The following TRPM3 variants were observed in gnomAD, a reference collection of about 807,000 sequenced individuals.
TRPM3 encodes the protein long transient receptor potential channel 3.
Under a neutral mutation model 181.2 loss-of-function variants are expected in TRPM3, and 77 were observed. That is an observed-to-expected ratio of 0.42 (90% CI 0.35 to 0.51). The LOEUF is 0.51. TRPM3 is among the 20% of genes least tolerant of loss of function. TRPM3 has a pLI of 0.01. For missense variants in TRPM3, 1,759 were observed against 2,196.7 expected (o/e 0.80, Z 3.98); for synonymous variants, 745 against 796.4 (o/e 0.94, Z 1.09).
chr9:70,816,159 A>G (rs1194388967), intron 6 of TRPM3, among the ~76,000 whole-genome samples: 1 of 152,246 alleles, frequency 6.6e-6, no homozygotes, highest in African/African-American at 2.4e-5. Context: ...GATCTCTAAA[A>G]CAAAGTGACC....
chr9:71,250,220 C>A (rs978378216), intron 1 of TRPM3, among the ~76,000 whole-genome samples: 9 of 152,068 alleles, frequency 5.9e-5, no homozygotes, highest in South Asian at 2.1e-4. Context: ...TAGCTATTTA[C>A]AACTGTATTT....
At chr9:70,597,991 G>A (rs2059310900) in intron 21 of TRPM3, among the ~76,000 whole-genome samples, 2 of 152,230 alleles carry the variant, frequency 1.3e-5, no homozygotes, top group African/African-American at 2.4e-5. Flanking sequence ...CAGCTAAAAT[G>A]TAACCTCTGT....
At chr9:71,009,411 C>T (rs1320432837) in intron 1 of TRPM3, among the ~76,000 whole-genome samples, 1 of 152,014 alleles carries the variant, frequency 6.6e-6, no homozygotes, top group Non-Finnish European at 1.5e-5. Flanking sequence ...GCTACAAAAT[C>T]AACATAAAAA....
intron 22 of TRPM3, among the ~76,000 whole-genome samples, chr9:70,582,197 T>C (rs981084145): frequency 3.9e-5 from 6 of 151,926 alleles, no homozygotes; most frequent in Non-Finnish European, 8.8e-5. Context: ...TGTGTGTGTG[T>C]GTGTGTGTGT....
chr9:71,172,893 C>T (rs573099785), intron 1 of TRPM3, among the ~76,000 whole-genome samples: 31 of 152,258 alleles, frequency 2.0e-4, no homozygotes, highest in African/African-American at 7.2e-4. Context: ...TTCGCTTATG[C>T]CCATTTACTT....
intron 20 of TRPM3, among the ~76,000 whole-genome samples, chr9:70,602,644 C>CT (rs1483271617): frequency 6.6e-6 from 1 of 152,200 alleles, no homozygotes; most frequent in Non-Finnish European, 1.5e-5. Context: ...GCAGAGCCCT[C>CT]TTGTGGATTT....
At chr9:71,054,587 T>C (rs1262261412) in intron 1 of TRPM3, among the ~76,000 whole-genome samples, 1 of 152,166 alleles carries the variant, frequency 6.6e-6, no homozygotes, top group Non-Finnish European at 1.5e-5. Flanking sequence ...CTGTTTCATC[T>C]ATTAATTCAT....
At chr9:70,911,041 G>A (rs959661835) in intron 1 of TRPM3, among the ~76,000 whole-genome samples, 1 of 152,094 alleles carries the variant, frequency 6.6e-6, no homozygotes, top group Non-Finnish European at 1.5e-5. Context: ...AGTGTTTTTG[G>A]CTCAATGTGT....
chr9:70,620,219 C>G lies in TRPM3; in HGVS notation c.1986G>C (p.Lys662Asn). 1.2e-6 allele frequency: 2 copies of G among 1,614,248 alleles called. No homozygotes were observed. The highest frequency in any genetic ancestry group is 1.7e-6 in the Non-Finnish European group (2 of 1,180,048). Residue 662 changes from lysine (K) to asparagine (N), a missense_variant, in exon 16 of 26, where the codon AAG (lysine) becomes AAC (asparagine). Transcript: ENST00000677713. ...CGTGCTGCCAGAAGAACAGGGCCAT[C>G]TTCTGCCGCTTCATGAGAACAGCCC... ...MVWAVLMKRQKMALFFWQHGE... is the reference protein window; with the variant it reads ...MVWAVLMKRQNMALFFWQHGE...
chr9:70,977,374 T>A (rs1291800160), intron 1 of TRPM3, among the ~76,000 whole-genome samples: 1 of 152,298 alleles, frequency 6.6e-6, no homozygotes, highest in Non-Finnish European at 1.5e-5. Context: ...GACCTCGTGA[T>A]CCCCCGGCAT....
At chr9:71,156,335 C>T (rs927773050) in intron 1 of TRPM3, among the ~76,000 whole-genome samples, 1 of 150,676 alleles carries the variant, frequency 6.6e-6, no homozygotes, top group Non-Finnish European at 1.5e-5. Flanking sequence ...ATACCACGAG[C>T]ACCTATCTTA....
At chr9:71,411,784 T>G (rs769306514) in intron 1 of TRPM3, among the ~76,000 whole-genome samples, 1 of 152,136 alleles carries the variant, frequency 6.6e-6, no homozygotes, top group Non-Finnish European at 1.5e-5. Flanking sequence ...GAGCCTGCAT[T>G]GCCAAGACAA....
At chr9:71,186,245 C>T (rs1356439686) in intron 1 of TRPM3, among the ~76,000 whole-genome samples, 1 of 151,990 alleles carries the variant, frequency 6.6e-6, no homozygotes, top group Non-Finnish European at 1.5e-5. Flanking sequence ...CAAGAAAGGT[C>T]ACATGCTAAG....
intron 1 of TRPM3, among the ~76,000 whole-genome samples, chr9:71,089,422 A>G (rs1045881100): frequency 6.6e-6 from 1 of 151,522 alleles, no homozygotes; most frequent in Admixed American, 6.6e-5. Context: ...GAGAAAAAAG[A>G]CAATAACAGA....
chr9:70,793,466 A>AT (rs1564320484), intron 6 of TRPM3: 27 of 110,868 alleles, frequency 2.4e-4, no homozygotes, highest in South Asian at 3.7e-4. Context: ...AAAAAAAAAA[A>AT]AAAATATATA....
intron 7 of TRPM3, among the ~76,000 whole-genome samples, chr9:70,769,381 C>G (rs1326196271): frequency 2.6e-5 from 4 of 152,110 alleles, no homozygotes; most frequent in Admixed American, 2.6e-4. Context: ...TAAAACTCAG[C>G]TCAAACTTCA....
chr9:70,969,756 T>TTATATATA lies in TRPM3; in HGVS notation c.178-105253_178-105246dup, dbSNP rs78938143. Among the ~76,000 whole-genome samples the TTATATATA allele has an allele frequency of 3.8e-3, 485 of 126,602 alleles. 9 individuals are homozygous for TTATATATA. Among genetic ancestry groups the TTATATATA allele is most frequent in the African/African-American group, 0.012 (429 of 35,766 alleles). The allele number at this position is 126,602 out of a possible 152,430, so 83.1% of individuals were successfully genotyped here. On this transcript the variant is annotated intron_variant, in intron 1 of 25. Transcript: ENST00000677713. The stretch of plus-strand genomic sequence containing the variant: ...GGATTGTTGTGAAGACTGAATGATT[T>TTATATATA]TATATATATATATATATATATATAC...
intron 1 of TRPM3, among the ~76,000 whole-genome samples, chr9:70,922,170 C>T (rs1338693120): frequency 1.3e-5 from 2 of 152,120 alleles, no homozygotes; most frequent in Non-Finnish European, 2.9e-5. Flanking sequence ...GATTGAACAA[C>T]CATTTTTCTG....
At chr9:70,671,934 T>TC (rs1370421884) in intron 9 of TRPM3, among the ~76,000 whole-genome samples, 1 of 151,172 alleles carries the variant, frequency 6.6e-6, no homozygotes, top group East Asian at 1.9e-4. Flanking sequence ...CAGCTAATTT[T>TC]TTTTTTTTTT....
Sources: gnomAD v4.1 joint callset for allele counts (sites outside exome capture counted in the v4.1 genomes callset) on GRCh38, gnomAD v4.1.1 for gene constraint, MANE v1.5 for transcripts, NCBI Gene and HGNC (gene_info 2026-07-23, HGNC 2026-07-21) for gene names.